Variants in CYSLTR2 observed in about 807,000 individuals in gnomAD.
CYSLTR2 encodes G-protein coupled receptor GPCR21.
For synonymous variants in CYSLTR2, 179 were observed against 160.8 expected, an observed-to-expected ratio of 1.11 and a Z score of -0.86; for missense variants, 398 against 411.9, an observed-to-expected ratio of 0.97 and a Z score of 0.29.
intron 1 of CYSLTR2, among the ~76,000 whole-genome samples, chr13:48,672,051 A>T (rs2138855179): frequency 6.6e-6 from 1 of 151,952 alleles, no homozygotes; most frequent in East Asian, 1.9e-4. Flanking sequence ...TTTCTTCTAG[A>T]TTTTCTAGTT....
chr13:48,669,038 T>G (rs192288956), intron 1 of CYSLTR2, among the ~76,000 whole-genome samples: 7 of 152,334 alleles, frequency 4.6e-5, no homozygotes, highest in Non-Finnish European at 8.8e-5. Flanking sequence ...GTTCCAAGTC[T>G]TTCCTATTGT....
At chr13:48,685,911 T>C (rs1953883883) in intron 1 of CYSLTR2, among the ~76,000 whole-genome samples, 1 of 152,168 alleles carries the variant, frequency 6.6e-6, no homozygotes, top group Admixed American at 6.6e-5. Flanking sequence ...TGTTTGTTTG[T>C]TTTCTGTAGG....
intron 4 of CYSLTR2, among the ~76,000 whole-genome samples, chr13:48,706,299 T>TC (rs1265180060): frequency 6.6e-6 from 1 of 152,210 alleles, no homozygotes; most frequent in African/African-American, 2.4e-5. Context: ...CCCAGCCTAG[T>TC]CATTCTTTTA....
At chr13:48,694,400 TAGAC>T (rs1320006861) in intron 3 of CYSLTR2, among the ~76,000 whole-genome samples, 16 of 152,304 alleles carry the variant, frequency 1.1e-4, no homozygotes, top group Admixed American at 2.6e-4. Flanking sequence ...CTTAGGACAA[TAGAC>T]AGATCATAGA....
At chr13:48,674,178 G>A (rs1381382650) in intron 1 of CYSLTR2, among the ~76,000 whole-genome samples, 1 of 152,142 alleles carries the variant, frequency 6.6e-6, no homozygotes, top group Non-Finnish European at 1.5e-5. Flanking sequence ...TGTCTTGCTA[G>A]GGTAGGGAAG....
intron 3 of CYSLTR2, among the ~76,000 whole-genome samples, chr13:48,694,195 C>G (rs1371653779): frequency 1.3e-5 from 2 of 152,066 alleles, no homozygotes; most frequent in African/African-American, 2.4e-5. Flanking sequence ...CAGTAGTTCT[C>G]AAGCTCACAA....
Position 48,706,888 on chromosome 13 carries a change from G to T in CYSLTR2, c.71G>T (p.Ser24Ile). ...VSEMEPNGTF[S>I]NNNSRNCTIE... is the part of the protein sequence containing the mutation. ...GAAATGGAACCAAATGGCACCTTCA[G>T]CAATAACAACAGCAGGAACTGCACA... Residue 24 changes from serine (S) to isoleucine (I), a missense_variant, in exon 5 of 5, where the codon AGC (serine) becomes ATC (isoleucine). Coordinates refer to ENST00000682523, the MANE Select transcript of CYSLTR2 (RefSeq NM_001308476.3). 1 of 1,614,148 alleles carries T rather than the reference G, an allele frequency of 6.2e-7. No individual in the cohort carries two copies. The highest frequency in any genetic ancestry group is 1.3e-5 in the African/African-American group (1 of 75,032).
rs147021155 is a variant in CYSLTR2 at position 48,704,164 on chromosome 13, A to G, written c.-1-2653A>G. On this transcript the variant is annotated intron_variant, in intron 4 of 4. Coordinates refer to ENST00000682523, the MANE Select transcript of CYSLTR2 (RefSeq NM_001308476.3). ...AGAGATTTGTCAATTGTATCAGGAG[A>G]TGTAACATTTTATTTAATATATGCA... Among the ~76,000 whole-genome samples the G allele has an allele frequency of 3.4e-3, 522 of 152,234 alleles. 3 individuals are homozygous for G. The highest frequency in any genetic ancestry group is 5.9e-3 in the Non-Finnish European group (398 of 68,014).
At chr13:48,678,850 A>C (rs906581461) in intron 1 of CYSLTR2, among the ~76,000 whole-genome samples, 1 of 152,068 alleles carries the variant, frequency 6.6e-6, no homozygotes, top group East Asian at 1.9e-4. Context: ...TATAGCTCTC[A>C]GTCCCATCCA....
At chr13:48,694,078 A>G (rs527623802) in intron 3 of CYSLTR2, among the ~76,000 whole-genome samples, 1 of 152,308 alleles carries the variant, frequency 6.6e-6, no homozygotes, top group Non-Finnish European at 1.5e-5. Flanking sequence ...CAGAGATGCA[A>G]TGGTCTGTAA....
intron 1 of CYSLTR2, among the ~76,000 whole-genome samples, chr13:48,689,400 G>A (rs1048773481): frequency 6.6e-6 from 1 of 152,156 alleles, no homozygotes; most frequent in Non-Finnish European, 1.5e-5. Context: ...TTACATTTAA[G>A]TCTTTAATCC....
At chr13:48,665,683 T>C (rs2138829023) in intron 1 of CYSLTR2, among the ~76,000 whole-genome samples, 1 of 152,258 alleles carries the variant, frequency 6.6e-6, no homozygotes, top group African/African-American at 2.4e-5. Flanking sequence ...CCTTCACATT[T>C]AGTCTATGTA....
In CYSLTR2 at chr13:48,663,758, G is replaced by T. The variant is rs182742286; in HGVS notation, c.-266+9741G>T. ...TTTGGTAGAGTCTTTCTATATATGAGATTATCATCTGTAAACAGGAACAAT... is the reference window on the plus strand; with the variant it reads ...TTTGGTAGAGTCTTTCTATATATGATATTATCATCTGTAAACAGGAACAAT... On this transcript the variant is annotated intron_variant, in intron 1 of 4. Transcript: ENST00000682523. Among the ~76,000 whole-genome samples, 413 of 151,890 alleles carry T rather than the reference G, an allele frequency of 2.7e-3. 1 individual carries two copies. The highest frequency in any genetic ancestry group is 9.4e-3 in the African/African-American group (389 of 41,502).
Position 48,706,275 on chromosome 13 carries a change from C to T in CYSLTR2, c.-1-542C>T, listed in dbSNP as rs889634601. ...CTTCCCAAACTGCTGGGATTACGGG[C>T]GTGAGCCACCAAACCCAGCCTAGTC... On this transcript the variant is annotated intron_variant, in intron 4 of 4. Coordinates refer to ENST00000682523, the MANE Select transcript of CYSLTR2 (RefSeq NM_001308476.3). Among the ~76,000 whole-genome samples the T allele has an allele frequency of 4.6e-5, 7 of 152,222 alleles. No homozygotes were observed. In the South Asian group the frequency reaches 6.2e-4, roughly 14 times the overall value.
At position 48,658,379 on chromosome 13, in the gene CYSLTR2, C is replaced by T. The variant is rs1003853778; in HGVS notation, c.-266+4362C>T. Among the ~76,000 whole-genome samples the T allele has an allele frequency of 1.2e-4, 19 of 152,282 alleles. No individual in the cohort carries two copies. In the East Asian group the frequency reaches 3.7e-3, roughly 29 times the overall value. ...AAAACCATGTGAGTTCTTTCCCGCCCCCCAAAAAGATATTAATTGTAAGGC... is the reference window on the plus strand; with the variant it reads ...AAAACCATGTGAGTTCTTTCCCGCCTCCCAAAAAGATATTAATTGTAAGGC... On this transcript the variant is annotated intron_variant, in intron 1 of 4. Coordinates refer to ENST00000682523, the MANE Select transcript of CYSLTR2 (RefSeq NM_001308476.3).
intron 1 of CYSLTR2, among the ~76,000 whole-genome samples, chr13:48,683,181 A>G (rs1404555828): frequency 6.6e-6 from 1 of 152,174 alleles, no homozygotes; most frequent in Non-Finnish European, 1.5e-5. Flanking sequence ...ATAGTGCTGC[A>G]ATGAACATAT....
At chr13:48,667,737 T>C (rs1015812196) in intron 1 of CYSLTR2, among the ~76,000 whole-genome samples, 4 of 152,202 alleles carry the variant, frequency 2.6e-5, no homozygotes, top group Non-Finnish European at 4.4e-5. Context: ...ATAAAAAGCA[T>C]CCTATTTGCC....
intron 1 of CYSLTR2, among the ~76,000 whole-genome samples, chr13:48,675,936 C>T (rs1264205213): frequency 3.3e-5 from 5 of 152,168 alleles, no homozygotes; most frequent in South Asian, 2.1e-4. Context: ...CCAGGTGAGG[C>T]GATACCCCAC....
intron 4 of CYSLTR2, among the ~76,000 whole-genome samples, chr13:48,706,199 T>A (rs1954482911): frequency 6.6e-6 from 1 of 152,144 alleles, no homozygotes; most frequent in African/African-American, 2.4e-5. Context: ...TTTCACCATG[T>A]TGGCCAGACT....
Sources: allele counts gnomAD v4.1 joint callset (sites outside exome capture counted in the v4.1 genomes callset), GRCh38; gene constraint gnomAD v4.1.1; transcripts MANE v1.5; gene names NCBI Gene and HGNC (gene_info 2026-07-23, HGNC 2026-07-21).